Variants in PRKCZ observed in about 807,000 individuals in gnomAD.
The protein encoded by PRKCZ is protein kinase C zeta type.
A neutral mutation model predicts 79.5 loss-of-function variants in PRKCZ; 33 were observed. The observed-to-expected ratio is 0.41, with a 90% CI of 0.31 to 0.55. The LOEUF is 0.55. Ranked by LOEUF, PRKCZ falls within the 20% of genes least tolerant of loss-of-function variation. The pLI is 0.19. For synonymous variants in PRKCZ, 342 were observed against 320.9 expected (o/e 1.07, Z -0.70); for missense variants, 578 against 813.5 (o/e 0.71, Z 3.52).
At chr1:2,137,796 T>G (rs1026072780) in intron 5 of PRKCZ, among the ~76,000 whole-genome samples, 4 of 152,114 alleles carry the variant, frequency 2.6e-5, no homozygotes, top group East Asian at 1.9e-4. Flanking sequence ...AGCAAAAGCT[T>G]TTCCTTTCCT....
At chr1:2,080,678 C>T (rs190228706) in intron 4 of PRKCZ, among the ~76,000 whole-genome samples, 17 of 152,310 alleles carry the variant, frequency 1.1e-4, no homozygotes, top group Non-Finnish European at 2.5e-4. Flanking sequence ...CAGCCAGTCT[C>T]GGCACCTTTC....
At chr1:2,099,133 A>C (rs1308003324) in intron 4 of PRKCZ, among the ~76,000 whole-genome samples, 1 of 151,984 alleles carries the variant, frequency 6.6e-6, no homozygotes, top group Non-Finnish European at 1.5e-5. Context: ...TATTCGTTGG[A>C]GAAGGAGCCA....
intron 10 of PRKCZ, among the ~76,000 whole-genome samples, chr1:2,157,145 A>G (rs1426963070): frequency 6.6e-6 from 1 of 152,154 alleles, no homozygotes; most frequent in Non-Finnish European, 1.5e-5. Flanking sequence ...CTCGGTAGTC[A>G]GGGAAACGCA....
At chr1:2,122,422 GGTAGGGTC>G in intron 4 of PRKCZ, among the ~76,000 whole-genome samples, 1 of 358 alleles carries the variant, frequency 2.8e-3, no homozygotes, top group African/African-American at 0.013. Context: ...GGGTCACGGT[GGTAGGGTC>G]GTGGTGGTTA....
At chr1:2,098,090 A>G (rs61775408) in intron 4 of PRKCZ, among the ~76,000 whole-genome samples, 4,986 of 54,166 alleles carry the variant, frequency 0.092, 111 homozygotes, top group Middle Eastern at 0.16. Flanking sequence ...AGCAGGTGAC[A>G]AGGATGACTA....
chr1:2,175,373 ACCC>A, intron 16 of PRKCZ, 60 bp downstream of exon 16: 1 of 1,359,068 alleles, frequency 7.4e-7, no homozygotes, highest in Non-Finnish European at 1.0e-6. Flanking sequence ...AATCTACCCA[ACCC>A]CCATCCCAAC....
At chr1:2,052,522 C>G (rs560381141) in intron 1 of PRKCZ, among the ~76,000 whole-genome samples, 2 of 151,918 alleles carry the variant, frequency 1.3e-5, no homozygotes, top group African/African-American at 4.8e-5. Flanking sequence ...CCTTCCTCCC[C>G]CTTCTAGGGC....
intron 2 of PRKCZ, among the ~76,000 whole-genome samples, chr1:2,056,149 C>T (rs1006583483): frequency 1.3e-5 from 2 of 152,240 alleles, no homozygotes; most frequent in Admixed American, 6.5e-5. Context: ...TGTCCCTTTC[C>T]AGCCATAGAG....
chr1:2,168,801 T>C lies in PRKCZ; in HGVS notation c.975-717T>C. 1 of 196,894 alleles carries C rather than the reference T, an allele frequency of 5.1e-6. No individual in the cohort carries two copies. The highest frequency in any genetic ancestry group is 5.4e-5 in the Admixed American group (1 of 18,462). 12.2% of individuals were successfully genotyped at this position (196,894 alleles called of 1,614,324 possible). A position where few individuals can be genotyped will look rare whatever the true frequency, so the allele number is the denominator to read the frequency against. On this transcript the variant is annotated intron_variant, in intron 10 of 17. Coordinates refer to ENST00000378567, the MANE Select transcript of PRKCZ (RefSeq NM_002744.6). The surrounding 1 kb of genome is among the most constrained non-coding windows in gnomAD (Gnocchi z 4.7). ...TCAGGTGCCAGAGGAGCCGCTGACC[T>C]AAAAAAACCCGCCACAGGGTATTTC...
upstream of PRKCZ, among the ~76,000 whole-genome samples, chr1:2,048,672 C>T (rs1659425230): frequency 6.6e-6 from 1 of 152,084 alleles, no homozygotes; most frequent in Non-Finnish European, 1.5e-5. Context: ...ATGCCTGGGG[C>T]TGGGTGAGTG....
At chr1:2,073,702 CCCG>C in intron 4 of PRKCZ, 1 of 994,082 alleles carries the variant, frequency 1.0e-6, no homozygotes, top group African/African-American at 1.7e-5. Context: ...CCGGGTACCA[CCCG>C]GGCCTGGAGA....
rs573372999 is a variant in PRKCZ at position 2,174,385 on chromosome 1, C to T, written c.1405+369C>T. 6.6e-6 allele frequency among the ~76,000 whole-genome samples: 1 copy of T among 152,344 alleles called. No homozygotes were observed. Among genetic ancestry groups the T allele is most frequent in the African/African-American group, 2.4e-5 (1 of 41,586 alleles). On this transcript the variant is annotated intron_variant, in intron 14 of 17. Coordinates refer to ENST00000378567, the MANE Select transcript of PRKCZ (RefSeq NM_002744.6). The surrounding 1 kb of genome is among the most constrained non-coding windows in gnomAD (Gnocchi z 6.2). ...TCATGGGCTCCTTCCCACCTGGAGG[C>T]CCCGGGACCTGCTCCTGGTCTGGAA...
At chr1:2,057,692 C>CG (rs1660302529) in intron 3 of PRKCZ, among the ~76,000 whole-genome samples, 1 of 151,862 alleles carries the variant, frequency 6.6e-6, no homozygotes, top group African/African-American at 2.4e-5. Context: ...ATAGTGAGAC[C>CG]CCCCCCTCTC....
chr1:2,157,717 T>TG (rs112255604), intron 10 of PRKCZ, among the ~76,000 whole-genome samples: 1 of 150,910 alleles, frequency 6.6e-6, no homozygotes. Context: ...CCAGAGTTTT[T>TG]TTTTTTTTTT....
At chr1:2,089,251 G>A (rs1314548434) in intron 4 of PRKCZ, among the ~76,000 whole-genome samples, 2 of 152,224 alleles carry the variant, frequency 1.3e-5, no homozygotes, top group Non-Finnish European at 2.9e-5. Context: ...GGACCCAGAG[G>A]TCTCTGTTTC....
intron 10 of PRKCZ, among the ~76,000 whole-genome samples, chr1:2,159,115 C>T (rs1271487970): frequency 2.0e-5 from 3 of 152,144 alleles, no homozygotes; most frequent in South Asian, 2.1e-4. Flanking sequence ...TTAGTAGAAA[C>T]GGGGTGAGCT....
At position 2,174,043 on chromosome 1, in the gene PRKCZ, C is replaced by G. The variant is rs772985809; in HGVS notation, c.1405+27C>G. ...TGCGTGCCCCGCTGTGCGTTCGTAC[C>G]CCTCACCTGCACGACTGTCTTCCTT... On this transcript the variant is annotated intron_variant, in intron 14 of 17. Coordinates refer to ENST00000378567, the MANE Select transcript of PRKCZ (RefSeq NM_002744.6). This position sits in a 1 kb window ranked among gnomAD's most constrained non-coding sequence, Gnocchi z 6.2. 8 of 1,564,952 alleles carry G rather than the reference C, an allele frequency of 5.1e-6. No individual in the cohort carries two copies. Among genetic ancestry groups the G allele is most frequent in the Non-Finnish European group, 7.0e-6 (8 of 1,150,302 alleles).
At chr1:2,104,622 G>T in intron 4 of PRKCZ, 3 of 931,106 alleles carry the variant, frequency 3.2e-6, no homozygotes, top group Non-Finnish European at 3.8e-6. Flanking sequence ...AGGCCCTGGG[G>T]TGGAGCCCAG....
rs553205765 is a variant in PRKCZ at position 2,125,831 on chromosome 1, C to G, written c.335-9431C>G. On this transcript the variant is annotated intron_variant, in intron 4 of 17. Coordinates refer to ENST00000378567, the MANE Select transcript of PRKCZ (RefSeq NM_002744.6). The surrounding 1 kb of genome is among the most constrained non-coding windows in gnomAD (Gnocchi z 4.2). Reference sequence around the variant, plus strand: ...ACGCATCCTAGCCACGGCCTCCTCACGTCCATGCGGGGATTTGCGCCCTGG... The same window carrying G: ...ACGCATCCTAGCCACGGCCTCCTCAGGTCCATGCGGGGATTTGCGCCCTGG... Among the ~76,000 whole-genome samples, 2 of 152,348 alleles carry G rather than the reference C, an allele frequency of 1.3e-5. No individual in the cohort carries two copies. The highest frequency in any genetic ancestry group is 1.3e-4 in the Admixed American group (2 of 15,314).
Sources: gnomAD v4.1 joint callset for allele counts (sites outside exome capture counted in the v4.1 genomes callset) on GRCh38, gnomAD v4.1.1 for gene constraint, Gnocchi (gnomAD v3.1) non-coding constraint, MANE v1.5 for transcripts, NCBI Gene and HGNC (gene_info 2026-07-23, HGNC 2026-07-21) for gene names.